Variants in SIPA1L3 observed in about 807,000 individuals in gnomAD.
SIPA1L3 encodes the protein signal-induced proliferation-associated 1-like protein 3.
In SIPA1L3, 59 loss-of-function variants were observed where a neutral mutation model predicts 150.1. That is an observed-to-expected ratio of 0.39 (90% CI 0.32 to 0.49). The LOEUF (loss-of-function observed/expected upper bound fraction) is 0.49. Among genes scored for constraint, SIPA1L3 ranks in the 20% least tolerant of loss-of-function variants. The pLI is 0.86. For missense variants in SIPA1L3, 2,211 were observed against 2,489.5 expected (o/e 0.89, Z 2.38); for synonymous variants, 1,070 against 1,077.6 (o/e 0.99, Z 0.14).
intron 2 of SIPA1L3, among the ~76,000 whole-genome samples, chr19:38,033,828 C>A (rs1277874588): frequency 6.6e-6 from 1 of 152,150 alleles, no homozygotes; most frequent in Non-Finnish European, 1.5e-5. Context: ...GTCAGGGGTT[C>A]TCAGCAGCGG....
In SIPA1L3 at chr19:38,010,863, A is replaced by G. The variant is rs1968080606; in HGVS notation, c.-378-18226A>G. Among the ~76,000 whole-genome samples the G allele has an allele frequency of 2.6e-5, 4 of 152,050 alleles. No homozygotes were observed. The South Asian group carries it at 6.2e-4, about 24-fold the overall frequency. ...GTAATATAGGGGTAATAATAACACA[A>G]CCTTCTTCCAAGGATGGTTGTGAGT... On this transcript the variant is annotated intron_variant, in intron 1 of 21. Transcript: ENST00000222345.
intron 4 of SIPA1L3, among the ~76,000 whole-genome samples, chr19:38,094,444 T>G (rs900048048): frequency 6.6e-6 from 1 of 152,110 alleles, no homozygotes; most frequent in Non-Finnish European, 1.5e-5. Flanking sequence ...AGAGACAGAA[T>G]CTCACTATGT....
At chr19:38,069,637 G>A (rs767866628) in intron 2 of SIPA1L3, among the ~76,000 whole-genome samples, 24 of 152,130 alleles carry the variant, frequency 1.6e-4, no homozygotes, top group Middle Eastern at 3.4e-3. Context: ...CTGGGAGTGG[G>A]GTGTGGACAG....
chr19:37,978,183 G>T (rs989372909), intron 1 of SIPA1L3, among the ~76,000 whole-genome samples: 1 of 152,170 alleles, frequency 6.6e-6, no homozygotes, highest in Non-Finnish European at 1.5e-5. Flanking sequence ...ATGTGCAGAC[G>T]TGGCTCCAGG....
At chr19:38,028,849 C>T (rs1029333867) in intron 1 of SIPA1L3, among the ~76,000 whole-genome samples, 2 of 151,964 alleles carry the variant, frequency 1.3e-5, no homozygotes, top group Non-Finnish European at 1.5e-5. Context: ...CCCACCACCA[C>T]GCCCGGCTAA....
intron 9 of SIPA1L3, among the ~76,000 whole-genome samples, chr19:38,123,829 C>A (rs1971092534): frequency 8.2e-6 from 1 of 121,742 alleles, no homozygotes; most frequent in South Asian, 2.6e-4. Context: ...CCTCACTTCC[C>A]AGTAGGGGTG....
chr19:37,965,430 C>G (rs2046895444), intron 1 of SIPA1L3, among the ~76,000 whole-genome samples: 1 of 151,836 alleles, frequency 6.6e-6, no homozygotes. Context: ...ATTCTCCTGC[C>G]TCAGCCTCCT....
intron 2 of SIPA1L3, among the ~76,000 whole-genome samples, chr19:38,038,173 G>C (rs1968832411): frequency 6.6e-6 from 1 of 152,130 alleles, no homozygotes; most frequent in South Asian, 2.1e-4. Flanking sequence ...AGGGAGAGGA[G>C]GGGGCAGGTT....
At chr19:37,958,145 A>G (rs1261817028) in intron 1 of SIPA1L3, among the ~76,000 whole-genome samples, 7 of 152,206 alleles carry the variant, frequency 4.6e-5, no homozygotes. Context: ...CAAAAATACT[A>G]CAAATAGGCT....
chr19:37,983,673 A>G (rs939950247), intron 1 of SIPA1L3, among the ~76,000 whole-genome samples: 8 of 152,060 alleles, frequency 5.3e-5, no homozygotes, highest in African/African-American at 1.9e-4. Flanking sequence ...TGGGAGGCTG[A>G]AGTGGGTGGA....
chr19:38,205,655 C>G (rs886481292), intron 21 of SIPA1L3, among the ~76,000 whole-genome samples: 4 of 152,130 alleles, frequency 2.6e-5, no homozygotes, highest in Non-Finnish European at 4.4e-5. Context: ...GGGGCTACGT[C>G]CTCCTGGAAG....
At chr19:37,929,227 T>G (rs1031218045) in intron 1 of SIPA1L3, among the ~76,000 whole-genome samples, 1 of 152,012 alleles carries the variant, frequency 6.6e-6, no homozygotes, top group South Asian at 2.1e-4. Flanking sequence ...CAGCCTTACC[T>G]GAAGTAGGTA....
chr19:38,081,574 C>A lies in SIPA1L3; in HGVS notation c.9C>A (p.Thr3=). Residue 3 remains threonine (T), a synonymous_variant, in exon 3 of 22, where the codon ACC becomes ACA. Coordinates refer to ENST00000222345, the MANE Select transcript of SIPA1L3 (RefSeq NM_015073.3). The part of the protein sequence containing the change: MT[T]YRAIPSDGVD... ...TCCAGTGCCCGTGGACTATGACCAC[C>A]TATCGGGCCATCCCCAGCGATGGTG... 6.3e-7 allele frequency: 1 copy of A among 1,585,454 alleles called. No homozygotes were observed. Among genetic ancestry groups the A allele is most frequent in the South Asian group, 1.1e-5 (1 of 88,126 alleles).
At chr19:37,973,368 C>T (rs1338104255) in intron 1 of SIPA1L3, among the ~76,000 whole-genome samples, 2 of 151,020 alleles carry the variant, frequency 1.3e-5, no homozygotes, top group Non-Finnish European at 2.9e-5. Context: ...TCCCAAGTAG[C>T]TTGGGTTACA....
intron 1 of SIPA1L3, among the ~76,000 whole-genome samples, chr19:38,007,681 CA>C (rs1240287443): frequency 6.6e-6 from 1 of 151,854 alleles, no homozygotes; most frequent in African/African-American, 2.4e-5. Context: ...TCTTAACTGT[CA>C]AATTAGATCA....
chr19:38,167,021 T>G (rs1232253852), intron 15 of SIPA1L3, among the ~76,000 whole-genome samples: 1 of 151,450 alleles, frequency 6.6e-6, no homozygotes, highest in Non-Finnish European at 1.5e-5. Context: ...GATCACAAGG[T>G]CAAGAGCTCG....
chr19:37,983,104 C>G (rs139850428), intron 1 of SIPA1L3, among the ~76,000 whole-genome samples: 12 of 152,310 alleles, frequency 7.9e-5, no homozygotes, highest in Admixed American at 2.6e-4. Flanking sequence ...TGGCCCAATC[C>G]TGGCTGTGCA....
intron 18 of SIPA1L3, among the ~76,000 whole-genome samples, chr19:38,196,306 G>C (rs1219827639): frequency 6.6e-6 from 1 of 152,258 alleles, no homozygotes; most frequent in Admixed American, 6.5e-5. Context: ...AGAACAAGGA[G>C]GCCAGGGGAA....
At chr19:38,135,790 C>T (rs1159547242) in intron 10 of SIPA1L3, among the ~76,000 whole-genome samples, 1 of 152,082 alleles carries the variant, frequency 6.6e-6, no homozygotes, top group Non-Finnish European at 1.5e-5. Flanking sequence ...TCTTCAAATG[C>T]AGAGGTGTGT....
Sources: allele counts gnomAD v4.1 joint callset (sites outside exome capture counted in the v4.1 genomes callset), GRCh38; gene constraint gnomAD v4.1.1; transcripts MANE v1.5; gene names NCBI Gene and HGNC (gene_info 2026-07-23, HGNC 2026-07-21).